PRKCA: variants seen among roughly 807,000 people sequenced by gnomAD.
PRKCA encodes the protein protein kinase C alpha.
PRKCA carries 27 observed loss-of-function variants against 87.0 expected under a neutral mutation model. The ratio of observed to expected loss-of-function variants is 0.31; its 90% CI spans 0.23 to 0.43. The LOEUF (loss-of-function observed/expected upper bound fraction) is 0.43. PRKCA is among the 20% of genes least tolerant of loss of function. PRKCA has a pLI of 1.00. For synonymous variants in PRKCA, 329 were observed against 311.1 expected, an observed-to-expected ratio of 1.06 and a Z score of -0.61; for missense variants, 518 against 852.3, an observed-to-expected ratio of 0.61 and a Z score of 4.88.
chr17:66,449,694 A>T (rs1914213122), intron 2 of PRKCA, among the ~76,000 whole-genome samples: 1 of 152,170 alleles, frequency 6.6e-6, no homozygotes, highest in South Asian at 2.1e-4. Flanking sequence ...GACTACACAG[A>T]CCAGGACAGG....
chr17:66,494,817 G>C lies in PRKCA; in HGVS notation c.206-1384G>C, dbSNP rs555285184. On this transcript the variant is annotated intron_variant, in intron 2 of 16. Transcript: ENST00000413366. ...TATTACCATCAATACAAACCTTTCA[G>C]GGGGACATGTGCAGTAGCTCAACGC... 2.0e-5 allele frequency among the ~76,000 whole-genome samples: 3 copies of C among 152,130 alleles called. No individual in the cohort carries two copies. The South Asian group carries it at 6.2e-4, about 32-fold the overall frequency.
chr17:66,746,127 G>A (rs1052223309), intron 13 of PRKCA, among the ~76,000 whole-genome samples: 12 of 147,902 alleles, frequency 8.1e-5, no homozygotes, highest in Non-Finnish European at 1.8e-4. Flanking sequence ...ATCACCTTAA[G>A]GTTGTTTCAC....
rs60269677 is a variant in PRKCA at position 66,624,930 on chromosome 17, G to A, written c.289-16425G>A. ...GTCACCACATTTCAAAGGCTCAGTAGTCATAGAAAGCTAATGGTTACTATA... is the reference window on the plus strand; with the variant it reads ...GTCACCACATTTCAAAGGCTCAGTAATCATAGAAAGCTAATGGTTACTATA... On this transcript the variant is annotated intron_variant, in intron 3 of 16. Coordinates refer to ENST00000413366, the MANE Select transcript of PRKCA (RefSeq NM_002737.3). 1.2e-4 allele frequency among the ~76,000 whole-genome samples: 18 copies of A among 152,292 alleles called. No individual in the cohort carries two copies. The East Asian group carries it at 3.1e-3, about 26-fold the overall frequency.
chr17:66,754,977 G>A (rs962165291), intron 13 of PRKCA, among the ~76,000 whole-genome samples: 5 of 152,098 alleles, frequency 3.3e-5, no homozygotes, highest in South Asian at 2.1e-4. Context: ...TTCAGCACAC[G>A]GATTTGGCGG....
At chr17:66,311,334 G>A (rs555939681) in intron 2 of PRKCA, among the ~76,000 whole-genome samples, 1 of 152,298 alleles carries the variant, frequency 6.6e-6, no homozygotes, top group African/African-American at 2.4e-5. Flanking sequence ...GCCTTTCTGT[G>A]GTTGGGTGCA....
intron 3 of PRKCA, among the ~76,000 whole-genome samples, chr17:66,588,320 G>A (rs1413310679): frequency 1.3e-5 from 2 of 152,100 alleles, no homozygotes; most frequent in South Asian, 4.1e-4. Flanking sequence ...GGGGCATGAG[G>A]AAGAGAGGTG....
intron 13 of PRKCA, among the ~76,000 whole-genome samples, chr17:66,764,625 T>C (rs895813610): frequency 5.3e-5 from 8 of 152,206 alleles, no homozygotes; most frequent in African/African-American, 9.7e-5. Flanking sequence ...AGCAGTAAAA[T>C]TGAATGACAG....
At chr17:66,445,473 C>A (rs1437555530) in intron 2 of PRKCA, among the ~76,000 whole-genome samples, 1 of 152,216 alleles carries the variant, frequency 6.6e-6, no homozygotes, top group Non-Finnish European at 1.5e-5. Flanking sequence ...AGGAGGAACT[C>A]CCCCATTCTT....
intron 2 of PRKCA, among the ~76,000 whole-genome samples, chr17:66,354,857 C>T (rs1907960355): frequency 6.6e-6 from 1 of 151,972 alleles, no homozygotes; most frequent in South Asian, 2.1e-4. Context: ...ATGCTTTTGC[C>T]TTTTTGTGAT....
At chr17:66,530,941 G>C (rs1967513935) in intron 3 of PRKCA, among the ~76,000 whole-genome samples, 2 of 152,088 alleles carry the variant, frequency 1.3e-5, no homozygotes, top group African/African-American at 4.8e-5. Flanking sequence ...TACCCTGGGG[G>C]CCTCCTGACA....
rs563884674 is a variant in PRKCA, at chr17:66,754,695, G to C, written c.1524+11935G>C. Among the ~76,000 whole-genome samples, 135 of 152,226 alleles carry C rather than the reference G, an allele frequency of 8.9e-4. No individual in the cohort carries two copies. In the South Asian group the frequency reaches 0.027, roughly 30 times the overall value. On this transcript the variant is annotated intron_variant, in intron 13 of 16. Coordinates refer to ENST00000413366, the MANE Select transcript of PRKCA (RefSeq NM_002737.3). ...AACAAGAAATTAAAGAAGTTTGCTG[G>C]GCATGGCGCTGGAGAGGTCCGGTGG...
chr17:66,620,444 TAGAAGTGTC>T (rs1970644111), intron 3 of PRKCA, among the ~76,000 whole-genome samples: 2 of 152,236 alleles, frequency 1.3e-5, no homozygotes, highest in Non-Finnish European at 2.9e-5. Flanking sequence ...GCAACTTTTC[TAGAAGTGTC>T]TAGGAGACTT....
At chr17:66,730,519 A>C (rs1180214021) in intron 8 of PRKCA, among the ~76,000 whole-genome samples, 4 of 152,182 alleles carry the variant, frequency 2.6e-5, no homozygotes, top group Non-Finnish European at 5.9e-5. Flanking sequence ...AATTCCTGGA[A>C]CTGAGGATTC....
chr17:66,390,689 C>A (rs6504421), intron 2 of PRKCA, among the ~76,000 whole-genome samples: 120,471 of 152,110 alleles, frequency 0.79, 48,200 homozygotes, highest in South Asian at 0.87. Context: ...TGTGACCCCC[C>A]TGGGGTGCAC....
chr17:66,523,400 A>ACCTTGAG (rs1460723736), intron 3 of PRKCA, among the ~76,000 whole-genome samples: 5 of 152,190 alleles, frequency 3.3e-5, no homozygotes, highest in Non-Finnish European at 7.3e-5. Flanking sequence ...TGGTTGTATG[A>ACCTTGAG]CCTTGAGCAG....
chr17:66,337,930 A>C (rs1178543382), intron 2 of PRKCA, among the ~76,000 whole-genome samples: 1 of 151,958 alleles, frequency 6.6e-6, no homozygotes, highest in Non-Finnish European at 1.5e-5. Flanking sequence ...TAAAAAAAAA[A>C]CTTTTATTGC....
chr17:66,445,623 C>T (rs150863664), intron 2 of PRKCA, among the ~76,000 whole-genome samples: 82 of 152,276 alleles, frequency 5.4e-4, no homozygotes, highest in African/African-American at 1.9e-3. Context: ...AGGTGATGCT[C>T]AGGACAGCAA....
chr17:66,359,842 TAAGC>T (rs1161096687), intron 2 of PRKCA, among the ~76,000 whole-genome samples: 2 of 152,222 alleles, frequency 1.3e-5, no homozygotes, highest in Admixed American at 6.5e-5. Context: ...CAAAGTACCT[TAAGC>T]AAGCTTGTTG....
At chr17:66,434,860 T>A (rs1299172023) in intron 2 of PRKCA, among the ~76,000 whole-genome samples, 1 of 152,154 alleles carries the variant, frequency 6.6e-6, no homozygotes, top group Non-Finnish European at 1.5e-5. Context: ...ACAAGTACAA[T>A]CATAACATCA....
Sources: allele counts gnomAD v4.1 joint callset (sites outside exome capture counted in the v4.1 genomes callset), GRCh38; gene constraint gnomAD v4.1.1; transcripts MANE v1.5; gene names NCBI Gene and HGNC (gene_info 2026-07-23, HGNC 2026-07-21).